The following MVP variants were observed in gnomAD, a reference collection of about 807,000 sequenced individuals.
The protein encoded by MVP is major vault protein, also known as lung resistance-related protein.
MVP carries 62 observed loss-of-function variants against 83.5 expected under a neutral mutation model. That is an observed-to-expected ratio of 0.74 (90% CI 0.61 to 0.92). The LOEUF is 0.92. MVP is among the 40% of genes least tolerant of loss of function. MVP has a pLI of 0.00. For missense variants in MVP, 1,000 were observed against 1,203.4 expected, an observed-to-expected ratio of 0.83 and a Z score of 2.50; for synonymous variants, 505 against 504.1, an observed-to-expected ratio of 1.00 and a Z score of -0.02.
chr16:29,838,367 C>T (rs943858865), intron 7 of MVP, among the ~76,000 whole-genome samples: 1 of 146,680 alleles, frequency 6.8e-6, no homozygotes, highest in East Asian at 2.0e-4. Flanking sequence ...ACCCGGGAGG[C>T]GGAGGTTGCA....
intron 1 of MVP, among the ~76,000 whole-genome samples, chr16:29,821,615 C>CT (rs1349378984): frequency 6.6e-6 from 1 of 152,200 alleles, no homozygotes; most frequent in Non-Finnish European, 1.5e-5. Flanking sequence ...GGCTTAGAAT[C>CT]TTTGTGTTTC....
rs1373579321 is a variant in MVP, at chr16:29,845,904, T to G, written c.2063T>G (p.Leu688Arg). 2 of 1,614,014 alleles carry G rather than the reference T, an allele frequency of 1.2e-6. No homozygotes were observed. The highest frequency in any genetic ancestry group is 2.7e-5 in the African/African-American group (2 of 74,932). The change falls in exon 12 of 15, where the codon CTT becomes CGT. Residue 688 changes from leucine to arginine, a missense_variant. By Grantham distance (102) the Leu-to-Arg change is moderately radical (BLOSUM62 -2). Transcript: ENST00000357402. ...CTGGAGCAGGAAGCCCGCGGCCGGCTTGAGCGGCAGAAGATCCTGGACCAG... is the reference window on the plus strand; with the variant it reads ...CTGGAGCAGGAAGCCCGCGGCCGGCGTGAGCGGCAGAAGATCCTGGACCAG... Reference protein sequence around the residue: ...QRLEQEARGRLERQKILDQSE... With the variant: ...QRLEQEARGRRERQKILDQSE...
intron 11 of MVP, among the ~76,000 whole-genome samples, 194 bp downstream of exon 11, chr16:29,845,073 A>G (rs2067572501): frequency 6.6e-6 from 1 of 152,066 alleles, no homozygotes; most frequent in Non-Finnish European, 1.5e-5. Flanking sequence ...CCGTAATCCC[A>G]GCACTGTGAG....
In MVP at chr16:29,844,874, G is replaced by T; in HGVS notation, c.2016G>T (p.Ala672=). The T allele has an allele frequency of 6.3e-7, 1 of 1,598,370 alleles. No homozygotes were observed. Among genetic ancestry groups the T allele is most frequent in the Admixed American group, 1.7e-5 (1 of 59,780 alleles). ...TCACCACCAACTCCCAGGAAGCGGC[G>T]GCCAAGTAAGTGAGGCTGGGAGCTC... The part of the protein sequence containing the change: ...IEITTNSQEA[A]AKHEAQRLEQ... The change falls in exon 11 of 15, where the codon GCG becomes GCT. Residue 672 remains alanine (A), a synonymous_variant. Coordinates refer to ENST00000357402, the MANE Select transcript of MVP (RefSeq NM_005115.5).
chr16:29,841,082 C>T lies in MVP; in HGVS notation c.1192-514C>T, dbSNP rs754747265. 6.6e-5 allele frequency among the ~76,000 whole-genome samples: 10 copies of T among 151,890 alleles called. No individual in the cohort carries two copies. Among genetic ancestry groups the T allele is most frequent in the East Asian group, 3.9e-4 (2 of 5,180 alleles). The stretch of plus-strand genomic sequence containing the variant: ...GACCTCCTCCCTCATGCCCATATCC[C>T]GGTGGAATCTTTCATTTTTTTCTGC... On this transcript the variant is annotated intron_variant, in intron 8 of 14. Transcript: ENST00000357402. The surrounding 1 kb of genome is among the most constrained non-coding windows in gnomAD (Gnocchi z 4.7).
Position 29,830,629 on chromosome 16 carries a change from G to C in MVP, c.80G>C (p.Arg27Pro). 6.2e-7 allele frequency: 1 copy of C among 1,614,034 alleles called. No individual in the cohort carries two copies. Among genetic ancestry groups the C allele is most frequent in the Middle Eastern group, 1.6e-4 (1 of 6,062 alleles). The part of the protein sequence containing the change: ...HVLDQNSNVS[R>P]VEVGPKTYIR... ...CTGGACCAGAACAGCAACGTGTCCC[G>C]TGTGGAGGTCGGGCCAAAGACCTAC... Residue 27 changes from arginine to proline, a missense_variant, in exon 2 of 15, where the codon CGT (arginine) becomes CCT (proline). Arg to Pro is a moderately radical substitution (Grantham distance 103). Transcript: ENST00000357402.
intron 1 of MVP, 137 bp from the exon 2 acceptor site, chr16:29,830,378 G>A: frequency 1.5e-6 from 1 of 659,130 alleles, no homozygotes; most frequent in South Asian, 1.9e-5. Flanking sequence ...TGGGCATGCA[G>A]ATGCGGACAG....
At chr16:29,839,428 G>A (rs1412714127) in intron 7 of MVP, among the ~76,000 whole-genome samples, 3 of 152,082 alleles carry the variant, frequency 2.0e-5, no homozygotes, top group Non-Finnish European at 1.5e-5. Flanking sequence ...CAACTGAATT[G>A]TGAATTGTAT....
In MVP at chr16:29,844,571, C is replaced by G; in HGVS notation, c.1713C>G (p.Ala571=). Residue 571 remains alanine (A), a synonymous_variant, in exon 11 of 15, where the codon GCC becomes GCG. Transcript: ENST00000357402. ...CAGTGCCAGACTTTGTAGGTGATGC[C>G]TGCAAAGCCATCGCATCCCGGGTGC... ...LFSVPDFVGD[A]CKAIASRVRG... 1 of 1,609,554 alleles carries G rather than the reference C, an allele frequency of 6.2e-7. No individual in the cohort carries two copies. Among genetic ancestry groups the G allele is most frequent in the Admixed American group, 1.7e-5 (1 of 59,634 alleles).
intron 13 of MVP, 126 bp downstream of exon 13, chr16:29,846,410 A>G: frequency 7.4e-7 from 1 of 1,346,690 alleles, no homozygotes; most frequent in Non-Finnish European, 9.9e-7. Flanking sequence ...AGTACTTTGC[A>G]TTTGCAAAGT....
chr16:29,837,022 G>A lies in MVP; in HGVS notation c.909+64G>A, dbSNP rs893429725. 45 of 1,459,314 alleles carry A rather than the reference G, an allele frequency of 3.1e-5. No homozygotes were observed. The East Asian group carries it at 1.0e-3, about 33-fold the overall frequency. 90.4% of individuals were successfully genotyped at this position (1,459,314 alleles called of 1,614,324 possible). On this transcript the variant is annotated intron_variant, in intron 7 of 14. Coordinates refer to ENST00000357402, the MANE Select transcript of MVP (RefSeq NM_005115.5). Reference sequence around the variant, plus strand: ...GATGTATGTCCTCTAGTGGCATGAGGCCCTCTGCCTTCTCTCCTCCAGACG... The same window carrying A: ...GATGTATGTCCTCTAGTGGCATGAGACCCTCTGCCTTCTCTCCTCCAGACG...
Position 29,841,804 on chromosome 16 carries a change from C to T in MVP, c.1400C>T (p.Ala467Val), listed in dbSNP as rs148659076. ...AGCTACCGCGTGCCCCACAACGCTG[C>T]GGTGCAGGTGTACGACTACCGAGAG... ...VVSYRVPHNA[A>V]VQVYDYREKR... Residue 467 changes from alanine (A) to valine (V), a missense_variant, in exon 9 of 15, where the codon GCG (alanine) becomes GTG (valine). Physicochemically the swap from Ala to Val is moderately conservative, Grantham distance 64. Transcript: ENST00000357402. The surrounding 1 kb of genome is among the most constrained non-coding windows in gnomAD (Gnocchi z 4.7). 360 of 1,612,362 alleles carry T rather than the reference C, an allele frequency of 2.2e-4. 4 individuals are homozygous for T. The South Asian group carries it at 2.8e-3, about 12-fold the overall frequency.
intron 8 of MVP, among the ~76,000 whole-genome samples, chr16:29,840,788 A>G (rs891129672): frequency 6.6e-6 from 1 of 152,092 alleles, no homozygotes; most frequent in Non-Finnish European, 1.5e-5. Flanking sequence ...TAAAAGTACA[A>G]ACATTAGTCA....
intron 1 of MVP, among the ~76,000 whole-genome samples, chr16:29,829,454 CAAAAAAAAAA>C (rs34314929): frequency 3.8e-5 from 2 of 52,658 alleles, no homozygotes; most frequent in Non-Finnish European, 7.6e-5. Flanking sequence ...GACTCCGTCT[CAAAAAAAAAA>C]AAAAAAAAAA....
At chr16:29,827,798 C>A (rs923977886) in intron 1 of MVP, among the ~76,000 whole-genome samples, 3 of 150,018 alleles carry the variant, frequency 2.0e-5, no homozygotes, top group African/African-American at 7.3e-5. Flanking sequence ...TGCCTGTAAT[C>A]CCAGCTACTC....
At position 29,841,695 on chromosome 16, in the gene MVP, C is replaced by G; in HGVS notation, c.1291C>G (p.Gln431Glu). ...GGTGGAGGAGCTGCTGAACAAGGGGCAGGACCCTCTGGCAGACAGGGGTGA... is the reference window on the plus strand; with the variant it reads ...GGTGGAGGAGCTGCTGAACAAGGGGGAGGACCCTCTGGCAGACAGGGGTGA... The part of the protein sequence containing the change: ...PGVEELLNKG[Q>E]DPLADRGEKD... Residue 431 changes from glutamine (Q) to glutamate (E), a missense_variant, in exon 9 of 15, where the codon CAG becomes GAG. Physicochemically the swap from Gln to Glu is conservative, Grantham distance 29. Transcript: ENST00000357402. The surrounding 1 kb of genome is among the most constrained non-coding windows in gnomAD (Gnocchi z 4.7). 6.2e-7 allele frequency: 1 copy of G among 1,612,190 alleles called. No individual in the cohort carries two copies. Among genetic ancestry groups the G allele is most frequent in the Non-Finnish European group, 8.5e-7 (1 of 1,179,438 alleles).
chr16:29,821,152 G>A (rs2067355834), intron 1 of MVP: 1 of 152,250 alleles, frequency 6.6e-6, no homozygotes, highest in African/African-American at 2.4e-5. Flanking sequence ...GAGATTCTGG[G>A]GATTTTAGAG....
rs1273118041 is a variant in MVP at position 29,830,664 on chromosome 16, G to A, written c.115G>A (p.Asp39Asn). 6.2e-7 allele frequency: 1 copy of A among 1,613,892 alleles called. No individual in the cohort carries two copies. Among genetic ancestry groups the A allele is most frequent in the African/African-American group, 1.3e-5 (1 of 74,890 alleles). The change falls in exon 2 of 15, where the codon GAC becomes AAC. Residue 39 changes from aspartate (D) to asparagine (N), a missense_variant. Transcript: ENST00000357402. ...EVGPKTYIRQ[D>N]NERVLFAPMR... ...CGGGCCAAAGACCTACATCCGGCAGGACAATGAGAGGTGGGTGTGGGGGCT... is the reference window on the plus strand; with the variant it reads ...CGGGCCAAAGACCTACATCCGGCAGAACAATGAGAGGTGGGTGTGGGGGCT...
At chr16:29,837,978 A>G (rs552954756) in intron 7 of MVP, among the ~76,000 whole-genome samples, 1 of 152,214 alleles carries the variant, frequency 6.6e-6, no homozygotes, top group East Asian at 1.9e-4. Flanking sequence ...CTCATTCTGT[A>G]AAGGGGGCTG....
Sources: allele counts gnomAD v4.1 joint callset (sites outside exome capture counted in the v4.1 genomes callset), GRCh38; gene constraint gnomAD v4.1.1; non-coding constraint Gnocchi (gnomAD v3.1); transcripts MANE v1.5; gene names NCBI Gene and HGNC (gene_info 2026-07-23, HGNC 2026-07-21).